Variants in LPCAT1 observed in about 807,000 individuals in gnomAD.
LPCAT1 encodes the protein 1-acylglycerol-3-phosphate O-acyltransferase.
Under a neutral mutation model 60.9 loss-of-function variants are expected in LPCAT1, and 23 were observed. The ratio of observed to expected loss-of-function variants is 0.38; its 90% CI spans 0.27 to 0.53. LPCAT1 has a LOEUF of 0.53. Among genes scored for constraint, LPCAT1 ranks in the 20% least tolerant of loss-of-function variants. The pLI is 0.82. For missense variants in LPCAT1, 622 were observed against 723.6 expected (o/e 0.86, Z 1.61); for synonymous variants, 340 against 301.1 (o/e 1.13, Z -1.34).
At chr5:1,499,285 G>A (rs1240155860) in intron 2 of LPCAT1, among the ~76,000 whole-genome samples, 4 of 152,218 alleles carry the variant, frequency 2.6e-5, no homozygotes, top group Non-Finnish European at 4.4e-5. Context: ...ACAGAACAGA[G>A]GAGGCGGGGA....
Position 1,522,530 on chromosome 5 carries a change from G to A in LPCAT1, c.135+1180C>T, listed in dbSNP as rs997698866. On this transcript the variant is annotated intron_variant, in intron 1 of 13. Transcript: ENST00000283415. The surrounding 1 kb of genome is among the most constrained non-coding windows in gnomAD (Gnocchi z 6.8). ...TCACCAGGAGGGGCGGCACCATCGG[G>A]CTCTCCTGCTCCCCGTCCCCTTCCA... 2.6e-5 allele frequency among the ~76,000 whole-genome samples: 4 copies of A among 152,290 alleles called. No homozygotes were observed. Among genetic ancestry groups the A allele is most frequent in the East Asian group, 3.9e-4 (2 of 5,176 alleles).
intron 5 of LPCAT1, among the ~76,000 whole-genome samples, chr5:1,484,640 A>C (rs1188358658): frequency 6.6e-6 from 1 of 152,194 alleles, no homozygotes; most frequent in Non-Finnish European, 1.5e-5. Flanking sequence ...TGCCAGGAGC[A>C]TCTGTCCCTA....
chr5:1,488,151 C>T (rs1186508789), intron 5 of LPCAT1, among the ~76,000 whole-genome samples: 1 of 152,222 alleles, frequency 6.6e-6, no homozygotes. Context: ...AAACATCTAT[C>T]TCCACCTCAC....
At chr5:1,498,870 C>A (rs926098850) in intron 2 of LPCAT1, among the ~76,000 whole-genome samples, 2 of 152,206 alleles carry the variant, frequency 1.3e-5, no homozygotes, top group Non-Finnish European at 2.9e-5. Context: ...TGCCTATGCA[C>A]GTGTACCTAC....
rs1736699290 is a variant in LPCAT1 at position 1,522,264 on chromosome 5, G to A, written c.135+1446C>T. On this transcript the variant is annotated intron_variant, in intron 1 of 13. Coordinates refer to ENST00000283415, the MANE Select transcript of LPCAT1 (RefSeq NM_024830.5). This position sits in a 1 kb window ranked among gnomAD's most constrained non-coding sequence, Gnocchi z 6.8. ...TGACCAGGGAGAGAGCCTGGTGGCT[G>A]GGTGGGGGTGAGGATTGAAGAGGAG... Among the ~76,000 whole-genome samples, 1 of 152,220 alleles carries A rather than the reference G, an allele frequency of 6.6e-6. No homozygotes were observed. The highest frequency in any genetic ancestry group is 1.5e-5 in the Non-Finnish European group (1 of 68,036).
intron 3 of LPCAT1, among the ~76,000 whole-genome samples, chr5:1,493,299 C>T (rs1481430906): frequency 6.6e-6 from 1 of 152,232 alleles, no homozygotes; most frequent in East Asian, 1.9e-4. Context: ...TGCTGCAGGC[C>T]CAATCCCCCA....
intron 12 of LPCAT1, among the ~76,000 whole-genome samples, chr5:1,469,860 C>G (rs985717403): frequency 1.3e-5 from 2 of 151,802 alleles, no homozygotes; most frequent in African/African-American, 4.8e-5. Context: ...GGGCCTGGCT[C>G]AGATCAGGGG....
chr5:1,500,970 C>T (rs542971983), intron 2 of LPCAT1, among the ~76,000 whole-genome samples: 15 of 152,326 alleles, frequency 9.8e-5, no homozygotes, highest in African/African-American at 3.4e-4. Context: ...CACTGTGGTG[C>T]CCTGTCACTG....
rs1736757634 is a variant in LPCAT1, at chr5:1,523,941, T to C, written c.-97A>G. On this transcript the variant is annotated 5_prime_UTR_variant, in exon 1 of 14. Transcript: ENST00000283415. The surrounding 1 kb of genome is among the most constrained non-coding windows in gnomAD (Gnocchi z 7.1). Reference sequence around the variant, plus strand: ...CGGGTCTCGGGGCGCGGGCCGAGGATGCGCGGCGGCTGGAGCGGGCCGGGC... The same window carrying C: ...CGGGTCTCGGGGCGCGGGCCGAGGACGCGCGGCGGCTGGAGCGGGCCGGGC... 2 of 869,786 alleles carry C rather than the reference T, an allele frequency of 2.3e-6. No homozygotes were observed. The highest frequency in any genetic ancestry group is 5.1e-5 in the South Asian group (1 of 19,620). The allele number at this position is 869,786 out of a possible 1,614,324, so 53.9% of individuals were successfully genotyped here. A position where few individuals can be genotyped will look rare whatever the true frequency, so the allele number is the denominator to read the frequency against.
intron 3 of LPCAT1, among the ~76,000 whole-genome samples, chr5:1,494,286 G>C (rs1490180990): frequency 6.6e-6 from 1 of 152,230 alleles, no homozygotes; most frequent in Non-Finnish European, 1.5e-5. Flanking sequence ...ATGATAGTGA[G>C]GGCACTCAGG....
chr5:1,468,664 A>C (rs1305967254), intron 12 of LPCAT1, among the ~76,000 whole-genome samples: 2 of 152,236 alleles, frequency 1.3e-5, no homozygotes, highest in Admixed American at 6.5e-5. Context: ...CCACATCTTA[A>C]GGTTTTACAC....
intron 1 of LPCAT1, among the ~76,000 whole-genome samples, chr5:1,503,495 T>C (rs36979): frequency 0.26 from 39,788 of 152,226 alleles, 6,128 homozygotes; most frequent in Non-Finnish European, 0.34. Context: ...ACGGTCTCTC[T>C]AATACTGAAA....
Position 1,462,336 on chromosome 5 carries a change from T to A in LPCAT1, c.*1315A>T, listed in dbSNP as rs1355482048. ...TGTCATAAAAAATGATGAAACAAGG[T>A]GATGTCAGAGGGACTTCAGGTGACA... On this transcript the variant is annotated 3_prime_UTR_variant, in exon 14 of 14. Transcript: ENST00000283415. The A allele has an allele frequency of 6.6e-6, 1 of 152,436 alleles. No individual in the cohort carries two copies. The highest frequency in any genetic ancestry group is 1.5e-5 in the Non-Finnish European group (1 of 68,016). 9.4% of individuals were successfully genotyped at this position (152,436 alleles called of 1,614,324 possible). A position where few individuals can be genotyped will look rare whatever the true frequency, so the allele number is the denominator to read the frequency against.
rs1734387381 is a variant in LPCAT1, at chr5:1,466,077, GGAT to G, written c.1420+669_1420+671del. ...CAGGTGGGGATTGCGGCATCCACTG[GGAT>G]GAGCCAGGCCAGGGCCTGCAGCCCT... On this transcript the variant is annotated intron_variant, in intron 13 of 13. Transcript: ENST00000283415. Among the ~76,000 whole-genome samples the G allele has an allele frequency of 2.0e-5, 3 of 152,268 alleles. No homozygotes were observed. The South Asian group carries it at 6.2e-4, about 31-fold the overall frequency.
intron 6 of LPCAT1, among the ~76,000 whole-genome samples, chr5:1,482,790 T>C (rs2617582): frequency 0.53 from 79,468 of 149,236 alleles, 22,683 homozygotes; most frequent in African/African-American, 0.73. Context: ...CCTCCAGAGG[T>C]GGCAAGGCCC....
intron 1 of LPCAT1, among the ~76,000 whole-genome samples, chr5:1,509,717 C>T (rs977958603): frequency 1.3e-5 from 2 of 152,200 alleles, no homozygotes; most frequent in South Asian, 2.1e-4. Context: ...GACTTCTGGT[C>T]CAAACCAAAC....
intron 4 of LPCAT1, 66 bp downstream of exon 4, chr5:1,489,680 C>G: frequency 1.7e-6 from 2 of 1,184,482 alleles, no homozygotes; most frequent in Admixed American, 1.7e-5. Context: ...TTCTTTCTCC[C>G]CACTCGCGAA....
chr5:1,470,081 C>G (rs1334874297), intron 12 of LPCAT1, among the ~76,000 whole-genome samples: 1 of 152,250 alleles, frequency 6.6e-6, no homozygotes, highest in Non-Finnish European at 1.5e-5. Flanking sequence ...CGGTGAGAGA[C>G]ATGCAGCTTC....
At chr5:1,472,694 G>T (rs930703524) in intron 11 of LPCAT1, among the ~76,000 whole-genome samples, 4 of 151,668 alleles carry the variant, frequency 2.6e-5, no homozygotes, top group African/African-American at 9.8e-5. Flanking sequence ...GTGGTAAAGC[G>T]CCTGAGTGCA....
Sources: allele counts gnomAD v4.1 joint callset (sites outside exome capture counted in the v4.1 genomes callset), GRCh38; gene constraint gnomAD v4.1.1; non-coding constraint Gnocchi (gnomAD v3.1); transcripts MANE v1.5; gene names NCBI Gene and HGNC (gene_info 2026-07-23, HGNC 2026-07-21).